Variants in CFAP298 observed in about 807,000 individuals in gnomAD.
CFAP298 encodes cilia and flagella associated protein 298.
CFAP298 carries 38 observed loss-of-function variants against 41.0 expected under a neutral mutation model. The ratio of observed to expected loss-of-function variants is 0.93; its 90% CI spans 0.72 to 1.22. The LOEUF (loss-of-function observed/expected upper bound fraction) is 1.22. Ranked by LOEUF, CFAP298 falls within the 50% of genes most tolerant of loss-of-function variation. CFAP298 has a pLI of 0.00. For synonymous variants in CFAP298, 137 were observed against 135.3 expected (o/e 1.01, Z -0.09); for missense variants, 348 against 360.3 (o/e 0.97, Z 0.28).
intron 1 of CFAP298, among the ~76,000 whole-genome samples, chr21:32,611,343 T>TATATATATATATATATATATAAA (rs1568998532): frequency 8.3e-6 from 1 of 121,136 alleles, no homozygotes; most frequent in African/African-American, 3.9e-5. Flanking sequence ...ATATATAATT[T>TATATATATATATATATATATAAA]ATTTATATTT....
In CFAP298 at chr21:32,600,166, T is replaced by C. The variant is rs983150913; in HGVS notation, c.*1697A>G. The stretch of plus-strand genomic sequence containing the variant: ...TAAAATCACAGCATCTTATTGCATA[T>C]ACTACATCATCCAAGGTCAAAACCC... On this transcript the variant is annotated 3_prime_UTR_variant, in exon 7 of 7. Coordinates refer to ENST00000290155, the MANE Select transcript of CFAP298 (RefSeq NM_021254.4). Among the ~76,000 whole-genome samples the C allele has an allele frequency of 6.6e-6, 1 of 152,176 alleles. No individual in the cohort carries two copies. The highest frequency in any genetic ancestry group is 6.5e-5 in the Admixed American group (1 of 15,282).
At position 32,601,897 on chromosome 21, in the gene CFAP298, T is replaced by A. The variant is rs778231517; in HGVS notation, c.839A>T (p.His280Leu). The A allele has an allele frequency of 3.1e-6, 5 of 1,612,708 alleles. No individual in the cohort carries two copies. The South Asian group carries it at 4.4e-5, about 14-fold the overall frequency. The change falls in exon 7 of 7, where the codon CAT becomes CTT. Residue 280 changes from histidine (H) to leucine (L), a missense_variant. Coordinates refer to ENST00000290155, the MANE Select transcript of CFAP298 (RefSeq NM_021254.4). Reference sequence around the variant, plus strand: ...TCTCCACTTTATGTCTTTCACTCCATGAAAATGTCTTTTCAAAGCAGTGTT... The same window carrying A: ...TCTCCACTTTATGTCTTTCACTCCAAGAAAATGTCTTTTCAAAGCAGTGTT... The part of the protein sequence containing the change: ...ADNTALKRHF[H>L]GVKDIKWRPR
Position 32,601,650 on chromosome 21 carries a change from C to A in CFAP298, c.*213G>T. On this transcript the variant is annotated 3_prime_UTR_variant, in exon 7 of 7. Coordinates refer to ENST00000290155, the MANE Select transcript of CFAP298 (RefSeq NM_021254.4). ...CATGACATACTAAATAGTCCTGAAACAAAAACGATTTACACATTTTCTTCT... is the reference window on the plus strand; with the variant it reads ...CATGACATACTAAATAGTCCTGAAAAAAAAACGATTTACACATTTTCTTCT... 2.1e-6 allele frequency: 1 copy of A among 479,430 alleles called. No individual in the cohort carries two copies. The highest frequency in any genetic ancestry group is 3.7e-6 in the Non-Finnish European group (1 of 269,172). 29.7% of individuals were successfully genotyped at this position (479,430 alleles called of 1,614,324 possible).
Position 32,607,653 on chromosome 21 carries a change from G to T in CFAP298, c.371C>A (p.Ser124Tyr). The change falls in exon 3 of 7, where the codon TCT becomes TAT. Residue 124 changes from serine (S) to tyrosine (Y), a missense_variant. Ser to Tyr is a moderately radical substitution (Grantham distance 144, BLOSUM62 -2). Coordinates refer to ENST00000290155, the MANE Select transcript of CFAP298 (RefSeq NM_021254.4). ...GCATCATTTAAAAAAGCCAACCTTA[G>T]ATATTATTGCTTTGGCTTCTTCTAT... ...KTIEEAKAII[S>Y]KKQVEAGVCV... The T allele has an allele frequency of 2.0e-6, 3 of 1,538,100 alleles. No homozygotes were observed. Among genetic ancestry groups the T allele is most frequent in the Non-Finnish European group, 2.7e-6 (3 of 1,125,562 alleles).
Position 32,601,854 on chromosome 21 carries a change from TG to T in CFAP298, c.*8del. 1 of 1,471,010 alleles carries T rather than the reference TG, an allele frequency of 6.8e-7. No individual in the cohort carries two copies. The highest frequency in any genetic ancestry group is 9.5e-7 in the Non-Finnish European group (1 of 1,049,896). The allele number at this position is 1,471,010 out of a possible 1,614,324, so 91.1% of individuals were successfully genotyped here. On this transcript the variant is annotated 3_prime_UTR_variant, in exon 7 of 7. Coordinates refer to ENST00000290155, the MANE Select transcript of CFAP298 (RefSeq NM_021254.4). ...TAATCTCTTTGGAAGTGTCATCAGCTGGTGAACTTCATCTTGGTCTCCACTT... is the reference window on the plus strand; with the variant it reads ...TAATCTCTTTGGAAGTGTCATCAGCTGTGAACTTCATCTTGGTCTCCACTT...
At chr21:32,605,170 C>T (rs749251539) in intron 3 of CFAP298, among the ~76,000 whole-genome samples, 7 of 152,052 alleles carry the variant, frequency 4.6e-5, no homozygotes, top group Admixed American at 2.0e-4. Context: ...CAGAATAAGA[C>T]TCTGCCTCAA....
At chr21:32,609,811 G>A in intron 2 of CFAP298, 27 bp downstream of exon 2, 1 of 1,593,594 alleles carries the variant, frequency 6.3e-7, no homozygotes, top group Non-Finnish European at 8.6e-7. Context: ...TATCAAGCAT[G>A]CACATAGAAG....
chr21:32,602,881 A>G lies in CFAP298; in HGVS notation c.666+280T>C, dbSNP rs113174117. On this transcript the variant is annotated intron_variant, in intron 5 of 6. Transcript: ENST00000290155. Reference sequence around the variant, plus strand: ...GGCGAAATTTTACATTTCAAGGAACATATCTGTTTACTTGCAGCCCTATTT... The same window carrying G: ...GGCGAAATTTTACATTTCAAGGAACGTATCTGTTTACTTGCAGCCCTATTT... 669 of 1,378,424 alleles carry G rather than the reference A, an allele frequency of 4.9e-4. 5 individuals carry two copies. In the African/African-American group the frequency reaches 7.7e-3, roughly 16 times the overall value. The allele number at this position is 1,378,424 out of a possible 1,614,324, so 85.4% of individuals were successfully genotyped here.
chr21:32,602,773 T>C, intron 5 of CFAP298: 3 of 1,320,696 alleles, frequency 2.3e-6, no homozygotes, highest in African/African-American at 1.5e-5. Context: ...CGCTACACGA[T>C]GTCCTTCAAA....
chr21:32,602,855 G>A (rs187098411), intron 5 of CFAP298: 12 of 1,411,162 alleles, frequency 8.5e-6, no homozygotes, highest in Admixed American at 6.1e-5. Context: ...AATCAGTGAC[G>A]GGCGAAATTT....
chr21:32,603,261 G>T lies in CFAP298; in HGVS notation c.566C>A (p.Ala189Glu), dbSNP rs768474710. ...CTCCTTGGCTGCCCACCACAGCTGC[G>T]CCTCTGCCTCTTTAATGACGTTGAG... ...AGLNVIKEAE[A>E]QLWWAAKELR... Residue 189 changes from alanine to glutamate, a missense_variant, in exon 5 of 7, where the codon GCG becomes GAG. Transcript: ENST00000290155. The T allele has an allele frequency of 6.2e-6, 10 of 1,613,980 alleles. No individual in the cohort carries two copies. Among genetic ancestry groups the T allele is most frequent in the Non-Finnish European group, 8.5e-6 (10 of 1,179,946 alleles).
At position 32,601,314 on chromosome 21, in the gene CFAP298, G is replaced by C. The variant is rs1442996270; in HGVS notation, c.*549C>G. ...TTTTTTTTTTTTTTTTTTTTTTTTT[G>C]AGACAAGAGTTTCGCTCTGTTGCCC... On this transcript the variant is annotated 3_prime_UTR_variant, in exon 7 of 7. Coordinates refer to ENST00000290155, the MANE Select transcript of CFAP298 (RefSeq NM_021254.4). Among the ~76,000 whole-genome samples, 2 of 28,216 alleles carry C rather than the reference G, an allele frequency of 7.1e-5. No individual in the cohort carries two copies. Among genetic ancestry groups the C allele is most frequent in the Non-Finnish European group, 1.5e-4 (2 of 13,672 alleles). 18.5% of individuals were successfully genotyped at this position (28,216 alleles called of 152,430 possible). A position where few individuals can be genotyped will look rare whatever the true frequency, so the allele number is the denominator to read the frequency against.
At position 32,609,841 on chromosome 21, in the gene CFAP298, G is replaced by T. The variant is rs2038948809; in HGVS notation, c.304C>A (p.Gln102Lys). Residue 102 changes from glutamine to lysine, a missense_variant, in exon 2 of 7, where the codon CAA (glutamine) becomes AAA (lysine). Gln to Lys is a moderately conservative substitution (Grantham distance 53, BLOSUM62 1). Coordinates refer to ENST00000290155, the MANE Select transcript of CFAP298 (RefSeq NM_021254.4). ...TAGAAGAGAAATCCTCACTTACCTT[G>T]CCCATTCCTTCGTCCAATATCATCC... ...KKDDIGRRNG[Q>K]APNEKMKQVL... 1 of 1,612,470 alleles carries T rather than the reference G, an allele frequency of 6.2e-7. No homozygotes were observed. Among genetic ancestry groups the T allele is most frequent in the Middle Eastern group, 1.7e-4 (1 of 6,054 alleles).
rs1388654944 is a variant in CFAP298 at position 32,603,254 on chromosome 21, C to T, written c.573G>A (p.Leu191=). 1 of 1,613,994 alleles carries T rather than the reference C, an allele frequency of 6.2e-7. No homozygotes were observed. The highest frequency in any genetic ancestry group is 1.1e-5 in the South Asian group (1 of 91,084). The change falls in exon 5 of 7, where the codon CTG becomes CTA. Residue 191 remains leucine, a synonymous_variant. Coordinates refer to ENST00000290155, the MANE Select transcript of CFAP298 (RefSeq NM_021254.4). Reference sequence around the variant, plus strand: ...TTCTCAGCTCCTTGGCTGCCCACCACAGCTGCGCCTCTGCCTCTTTAATGA... The same window carrying T: ...TTCTCAGCTCCTTGGCTGCCCACCATAGCTGCGCCTCTGCCTCTTTAATGA... ...LNVIKEAEAQ[L]WWAAKELRRT...
At position 32,601,784 on chromosome 21, in the gene CFAP298, C is replaced by CTTT; in HGVS notation, c.*76_*78dup. 2.3e-5 allele frequency: 14 copies of CTTT among 610,468 alleles called. No homozygotes were observed. Among genetic ancestry groups the CTTT allele is most frequent in the South Asian group, 1.0e-4 (5 of 48,230 alleles). The allele number at this position is 610,468 out of a possible 1,614,324, so 37.8% of individuals were successfully genotyped here. A position where few individuals can be genotyped will look rare whatever the true frequency, so the allele number is the denominator to read the frequency against. On this transcript the variant is annotated 3_prime_UTR_variant, in exon 7 of 7. Coordinates refer to ENST00000290155, the MANE Select transcript of CFAP298 (RefSeq NM_021254.4). Reference sequence around the variant, plus strand: ...TCTTTTACAGAGGGCAGTAAGTGGCCTTTTTTTTTTTTTTAAATTATAATT... The same window carrying CTTT: ...TCTTTTACAGAGGGCAGTAAGTGGCCTTTTTTTTTTTTTTTTTAAATTATAATT...
intron 4 of CFAP298, 91 bp from the exon 5 acceptor site, chr21:32,603,383 G>T: frequency 7.0e-7 from 1 of 1,419,712 alleles, no homozygotes; most frequent in Non-Finnish European, 9.7e-7. Flanking sequence ...GCAGGGGACA[G>T]ATTTCTCCCC....
At chr21:32,605,522 C>T (rs1601155958) in intron 3 of CFAP298, among the ~76,000 whole-genome samples, 1 of 152,294 alleles carries the variant, frequency 6.6e-6, no homozygotes, top group Non-Finnish European at 1.5e-5. Context: ...TGGGATCAAA[C>T]ACGTGGCCAG....
chr21:32,602,920 T>G (rs2038777445), intron 5 of CFAP298: 27 of 1,150,304 alleles, frequency 2.3e-5, no homozygotes, highest in Non-Finnish European at 3.1e-5. Flanking sequence ...CGCTTGAAAT[T>G]AACATAGTAT....
In CFAP298 at chr21:32,602,392, T is replaced by A. The variant is rs995680562; in HGVS notation, c.667-25A>T. 6.9e-6 allele frequency: 11 copies of A among 1,604,170 alleles called. No homozygotes were observed. In the Admixed American group the frequency reaches 1.7e-4, roughly 25 times the overall value. On this transcript the variant is annotated intron_variant, in intron 5 of 6. Transcript: ENST00000290155. The stretch of plus-strand genomic sequence containing the variant: ...TCTGCAAAGAGGAGAGCAGAGCAAA[T>A]TGTGGATTAAGGTGTTCTTAGAGTG...
Sources: allele counts gnomAD v4.1 joint callset (sites outside exome capture counted in the v4.1 genomes callset), GRCh38; gene constraint gnomAD v4.1.1; transcripts MANE v1.5; gene names NCBI Gene and HGNC (gene_info 2026-07-23, HGNC 2026-07-21).